Variants in IL13RA1 observed in about 807,000 individuals in gnomAD.
IL13RA1 encodes the protein interleukin 13 receptor subunit alpha 1.
IL13RA1 carries 14 observed loss-of-function variants against 33.8 expected under a neutral mutation model. The observed-to-expected ratio is 0.41, with a 90% CI of 0.27 to 0.65. IL13RA1 has a LOEUF of 0.65. Among genes scored for constraint, IL13RA1 ranks in the 30% least tolerant of loss-of-function variants. The probability of loss-of-function intolerance (pLI) is 0.28; values close to 1 mark genes in which losing one functional copy is unlikely to be tolerated. For synonymous variants in IL13RA1, 116 were observed against 115.7 expected (o/e 1.00, Z -0.02); for missense variants, 313 against 327.0 (o/e 0.96, Z 0.33).
In IL13RA1 at chrX:118,741,099, A is replaced by T; in HGVS notation, c.171A>T (p.Gly57=). 8.7e-7 allele frequency: 1 copy of T among 1,147,779 alleles called. No homozygotes were observed. The highest frequency in any genetic ancestry group is 1.2e-6 in the Non-Finnish European group (1 of 836,989). The allele number at this position is 1,147,779 out of a possible 1,213,427, so 94.6% of individuals were successfully genotyped here. ...TVIWTWNPPE[G]ASSNCSLWYF... ...TATGGACATGGAATCCACCCGAGGG[A>T]GCCAGCTCAAATTGTAGTCTATGGT... The change falls in exon 2 of 11, where the codon GGA becomes GGT. Residue 57 remains glycine, a synonymous_variant. Transcript: ENST00000371666.
chrX:118,741,179 C>T, intron 2 of IL13RA1, 23 bp downstream of exon 2: 1 of 1,038,941 alleles, frequency 9.6e-7, no homozygotes. Flanking sequence ...CAACATGTTA[C>T]ATTGATGAGG....
At chrX:118,775,768 A>G (rs1465805506) in intron 9 of IL13RA1, among the ~76,000 whole-genome samples, 1 of 111,270 alleles carries the variant, frequency 9.0e-6, no homozygotes, top group Non-Finnish European at 1.9e-5. Flanking sequence ...TGAGGGAAAG[A>G]TAAGGACTTC....
chrX:118,745,682 G>A (rs2017396049), intron 2 of IL13RA1, among the ~76,000 whole-genome samples: 1 of 111,377 alleles, frequency 9.0e-6, no homozygotes, highest in Admixed American at 9.5e-5. Context: ...ACTAACTGTG[G>A]CAAATTTTCC....
intron 4 of IL13RA1, among the ~76,000 whole-genome samples, chrX:118,757,386 C>T (rs779590071): frequency 4.6e-5 from 5 of 108,654 alleles, no homozygotes; most frequent in East Asian, 5.8e-4. Context: ...AAAAATTAGC[C>T]GGGCGTAGTA....
chrX:118,798,673 A>G, downstream of IL13RA1, among the ~76,000 whole-genome samples: 1 of 112,123 alleles, frequency 8.9e-6, no homozygotes, highest in East Asian at 2.8e-4. Context: ...GTTTTGCTGG[A>G]CCACACCGTT....
chrX:118,765,946 G>A (rs1289870634), intron 6 of IL13RA1, among the ~76,000 whole-genome samples: 3 of 112,004 alleles, frequency 2.7e-5, no homozygotes, highest in Non-Finnish European at 1.9e-5. Flanking sequence ...CAAGTCTTTT[G>A]CCAGTTTTTT....
chrX:118,748,014 T>TGTGTGG (rs1166932606), intron 3 of IL13RA1, among the ~76,000 whole-genome samples: 1 of 102,226 alleles, frequency 9.8e-6, no homozygotes, highest in Non-Finnish European at 2.0e-5. Flanking sequence ...GTTGTGTGTG[T>TGTGTGG]GTGTGTGTGT....
At position 118,793,855 on chromosome X, in the gene IL13RA1, G is replaced by C. The variant is rs1345997888; in HGVS notation, c.*2001G>C. 1 of 112,033 alleles carries C rather than the reference G, an allele frequency of 8.9e-6. No homozygotes were observed. Among genetic ancestry groups the C allele is most frequent in the Non-Finnish European group, 1.9e-5 (1 of 53,222 alleles). The allele number at this position is 112,033 out of a possible 1,213,427, so 9.2% of individuals were successfully genotyped here. A position where few individuals can be genotyped will look rare whatever the true frequency, so the allele number is the denominator to read the frequency against. ...GAAGCTGGGGTTCATGACAATGGCA[G>C]ATGTAAAGTTATTCTTGAAGTCAGA... On this transcript the variant is annotated 3_prime_UTR_variant, in exon 11 of 11. Transcript: ENST00000371666.
chrX:118,749,785 A>G lies in IL13RA1; in HGVS notation c.488+7A>G, dbSNP rs767800605. On this transcript the variant is annotated splice_region_variant and intron_variant, in intron 4 of 10. Coordinates refer to ENST00000371666, the MANE Select transcript of IL13RA1 (RefSeq NM_001560.3). ...ACTATACTCTCTACTATTGGTGAGTATGTACAGTACAATTACTGGAAGACT... is the reference window on the plus strand; with the variant it reads ...ACTATACTCTCTACTATTGGTGAGTGTGTACAGTACAATTACTGGAAGACT... 88 of 1,134,942 alleles carry G rather than the reference A, an allele frequency of 7.8e-5. No individual in the cohort carries two copies. In the East Asian group the frequency reaches 2.6e-3, roughly 34 times the overall value. 93.5% of individuals were successfully genotyped at this position (1,134,942 alleles called of 1,213,427 possible).
intron 8 of IL13RA1, among the ~76,000 whole-genome samples, chrX:118,768,226 G>A (rs2017671003): frequency 8.9e-6 from 1 of 112,197 alleles, no homozygotes; most frequent in Admixed American, 9.4e-5. Flanking sequence ...AACAAGTTAT[G>A]TGCCAGGCAT....
intron 4 of IL13RA1, among the ~76,000 whole-genome samples, chrX:118,751,393 AGAG>A (rs2017468210): frequency 8.9e-6 from 1 of 112,166 alleles, no homozygotes; most frequent in Admixed American, 9.5e-5. Flanking sequence ...CTCAAAATAT[AGAG>A]GAGAAGATAG....
downstream of IL13RA1, among the ~76,000 whole-genome samples, chrX:118,797,861 T>G (rs371960489): frequency 1.8e-5 from 2 of 111,461 alleles, no homozygotes; most frequent in South Asian, 7.5e-4. Context: ...TGGGCCTGGA[T>G]GCAGATTTTC....
In IL13RA1 at chrX:118,741,035, C is replaced by T. The variant is rs767601342; in HGVS notation, c.107C>T (p.Thr36Ile). The T allele has an allele frequency of 1.9e-5, 21 of 1,119,157 alleles. No individual in the cohort carries two copies. In the South Asian group the frequency reaches 3.3e-4, roughly 18 times the overall value. 92.2% of individuals were successfully genotyped at this position (1,119,157 alleles called of 1,213,427 possible). A position where few individuals can be genotyped will look rare whatever the true frequency, so the allele number is the denominator to read the frequency against. ...AAPTETQPPVTNLSVSVENLC... is the reference protein window; with the variant it reads ...AAPTETQPPVINLSVSVENLC... ...TGAACAGAAACTCAGCCACCTGTGA[C>T]AAATTTGAGTGTCTCTGTTGAAAAC... The change falls in exon 2 of 11, where the codon ACA becomes ATA. Residue 36 changes from threonine to isoleucine, a missense_variant. Coordinates refer to ENST00000371666, the MANE Select transcript of IL13RA1 (RefSeq NM_001560.3).
In IL13RA1 at chrX:118,749,649, A is replaced by G. The variant is rs1210564726; in HGVS notation, c.368-9A>G. On this transcript the variant is annotated splice_polypyrimidine_tract_variant and intron_variant, in intron 3 of 10. Coordinates refer to ENST00000371666, the MANE Select transcript of IL13RA1 (RefSeq NM_001560.3). The stretch of plus-strand genomic sequence containing the variant: ...GAAGGGTCTTAAACTCTTGGCCTGG[A>G]TATTCTAGGTGATCCTGAGTCTGCT... The G allele has an allele frequency of 1.7e-6, 2 of 1,207,318 alleles. No homozygotes were observed. Among genetic ancestry groups the G allele is most frequent in the Non-Finnish European group, 1.1e-6 (1 of 891,510 alleles).
At position 118,785,342 on chromosome X, in the gene IL13RA1, A is replaced by C. The variant is rs182720514; in HGVS notation, c.1192-6420A>C. On this transcript the variant is annotated intron_variant, in intron 10 of 10. Transcript: ENST00000371666. Reference sequence around the variant, plus strand: ...ACTACTGGCTTCAAGTTATTCCCCCACCTGGAACTTCCAGAGTTCAGGAAT... The same window carrying C: ...ACTACTGGCTTCAAGTTATTCCCCCCCCTGGAACTTCCAGAGTTCAGGAAT... 6.5e-3 allele frequency among the ~76,000 whole-genome samples: 714 copies of C among 109,998 alleles called. 5 individuals are homozygous for C. Among genetic ancestry groups the C allele is most frequent in the African/African-American group, 0.022 (660 of 30,204 alleles).
intron 1 of IL13RA1, among the ~76,000 whole-genome samples, 193 bp downstream of exon 1, chrX:118,727,919 C>T (rs1289405816): frequency 1.8e-5 from 2 of 111,794 alleles, no homozygotes; most frequent in African/African-American, 6.5e-5. Flanking sequence ...GGTACTGGGG[C>T]CGGTTCGAGG....
At chrX:118,787,351 G>A (rs961157312) in intron 10 of IL13RA1, among the ~76,000 whole-genome samples, 5 of 110,994 alleles carry the variant, frequency 4.5e-5, no homozygotes, top group South Asian at 3.8e-4. Context: ...GGGAGTGTAC[G>A]AATAGGGTGT....
At chrX:118,748,267 A>G (rs1017966141) in intron 3 of IL13RA1, among the ~76,000 whole-genome samples, 1 of 104,078 alleles carries the variant, frequency 9.6e-6, no homozygotes, top group Non-Finnish European at 2.0e-5. Context: ...GATCACAAAC[A>G]CATGAAGTGC....
At chrX:118,768,434 A>G (rs1416000478) in intron 8 of IL13RA1, among the ~76,000 whole-genome samples, 1 of 111,713 alleles carries the variant, frequency 9.0e-6, no homozygotes, top group Non-Finnish European at 1.9e-5. Flanking sequence ...CAGAGCATCC[A>G]TTTCCAAGTT....
Sources: gnomAD v4.1 joint callset for allele counts (sites outside exome capture counted in the v4.1 genomes callset) on GRCh38, gnomAD v4.1.1 for gene constraint, MANE v1.5 for transcripts, NCBI Gene and HGNC (gene_info 2026-07-23, HGNC 2026-07-21) for gene names.